TMEM130: variants seen among roughly 807,000 people sequenced by gnomAD.
TMEM130 encodes the protein transmembrane protein 130.
A neutral mutation model predicts 42.9 loss-of-function variants in TMEM130; 37 were observed. The observed-to-expected ratio is 0.86, with a 90% CI of 0.66 to 1.13. The LOEUF (loss-of-function observed/expected upper bound fraction) is 1.13. Among genes scored for constraint, TMEM130 ranks in the 50% most tolerant of loss-of-function variants. The pLI is 0.00. For missense variants in TMEM130, 545 were observed against 562.6 expected (o/e 0.97, Z 0.32); for synonymous variants, 259 against 237.7 (o/e 1.09, Z -0.82).
chr7:98,863,416 C>T lies in TMEM130; in HGVS notation c.86-16G>A. 6.4e-7 allele frequency: 1 copy of T among 1,553,122 alleles called. No homozygotes were observed. Reference sequence around the variant, plus strand: ...TCATACAGGCCTAGGAGCCCAGAAACAAAGACTGTGTTTCAGAATGGTGTG... The same window carrying T: ...TCATACAGGCCTAGGAGCCCAGAAATAAAGACTGTGTTTCAGAATGGTGTG... On this transcript the variant is annotated splice_polypyrimidine_tract_variant and intron_variant, in intron 1 of 7. Coordinates refer to ENST00000339375, the MANE Select transcript of TMEM130 (RefSeq NM_152913.3).
rs1273365657 is a variant in TMEM130, at chr7:98,847,056, A to T, written c.*1000T>A. ...ATTTTTTTAGTAGAGACGGGGTTTC[A>T]CCGTGTTAGCCAGGGTGGTCTCGAT... On this transcript the variant is annotated 3_prime_UTR_variant, in exon 8 of 8. Coordinates refer to ENST00000339375, the MANE Select transcript of TMEM130 (RefSeq NM_152913.3). 2 of 151,684 alleles carry T rather than the reference A, an allele frequency of 1.3e-5. No individual in the cohort carries two copies. Among genetic ancestry groups the T allele is most frequent in the Non-Finnish European group, 2.9e-5 (2 of 67,986 alleles). The allele number at this position is 151,684 out of a possible 1,614,324, so 9.4% of individuals were successfully genotyped here. A position where few individuals can be genotyped will look rare whatever the true frequency, so the allele number is the denominator to read the frequency against.
intron 3 of TMEM130, among the ~76,000 whole-genome samples, 157 bp downstream of exon 3, chr7:98,860,022 T>C (rs1794725412): frequency 6.7e-6 from 1 of 149,598 alleles, no homozygotes; most frequent in South Asian, 2.1e-4. Flanking sequence ...TGAGCCAAGA[T>C]GGTACTACTG....
chr7:98,854,031 GGTTTTTTTTT>G (rs1223831105), intron 5 of TMEM130, among the ~76,000 whole-genome samples: 4 of 134,634 alleles, frequency 3.0e-5, no homozygotes, highest in African/African-American at 1.1e-4. Flanking sequence ...TTTGTTTTTT[GGTTTTTTTTT>G]GTTTTTTTTT....
At position 98,863,186 on chromosome 7, in the gene TMEM130, G is replaced by A. The variant is rs782349114; in HGVS notation, c.300C>T (p.Pro100=). Residue 100 remains proline (P), a synonymous_variant, in exon 2 of 8, where the codon CCC becomes CCT. Coordinates refer to ENST00000339375, the MANE Select transcript of TMEM130 (RefSeq NM_152913.3). ...SSTIRVVGHV[P]GEFPVSVWVT... ...CCCAGACAGAGACCGGGAATTCCCCGGGCACGTGGCCGACCACACGGATGG... is the reference window on the plus strand; with the variant it reads ...CCCAGACAGAGACCGGGAATTCCCCAGGCACGTGGCCGACCACACGGATGG... The A allele has an allele frequency of 3.9e-5, 63 of 1,613,974 alleles. No individual in the cohort carries two copies. The highest frequency in any genetic ancestry group is 1.6e-4 in the Middle Eastern group (1 of 6,084).
chr7:98,848,232 C>T (rs781952028), intron 7 of TMEM130, 24 bp from the exon 8 acceptor site: 6 of 1,613,586 alleles, frequency 3.7e-6, no homozygotes, highest in Non-Finnish European at 4.2e-6. Context: ...GGGGAAAAGT[C>T]AAAATCAGCC....
rs151268848 is a variant in TMEM130, at chr7:98,858,231, G to T, written c.551+1948C>A. On this transcript the variant is annotated intron_variant, in intron 3 of 7. Transcript: ENST00000339375. ...AATGTTCGTTTCTGTTCATACTAAC[G>T]CTTTTTTGGCATCTAAAGAGATGAT... is the stretch of plus-strand genomic sequence containing the variant. 2.5e-4 allele frequency among the ~76,000 whole-genome samples: 38 copies of T among 152,054 alleles called. No homozygotes were observed. The East Asian group carries it at 6.0e-3, about 24-fold the overall frequency.
chr7:98,855,216 C>T (rs371049022), intron 5 of TMEM130, 24 bp downstream of exon 5: 21 of 1,603,896 alleles, frequency 1.3e-5, no homozygotes, highest in Non-Finnish European at 1.8e-5. Context: ...GGGGCACCCC[C>T]AGTGCGCTCT....
rs775331367 is a variant in TMEM130, at chr7:98,848,061, C to T, written c.1267G>A (p.Val423Met). ...GGGGTGGGGAGGGGGAGTGCTCACACGGTGTAAGTTTTGACAGACTTATAG... is the reference window on the plus strand; with the variant it reads ...GGGGTGGGGAGGGGGAGTGCTCACATGGTGTAAGTTTTGACAGACTTATAG... ...PLYKSVKTYT[V>M] is the part of the protein sequence containing the mutation. Residue 423 changes from valine to methionine, a missense_variant, in exon 8 of 8, where the codon GTG (valine) becomes ATG (methionine). Coordinates refer to ENST00000339375, the MANE Select transcript of TMEM130 (RefSeq NM_152913.3). 44 of 1,612,952 alleles carry T rather than the reference C, an allele frequency of 2.7e-5. No homozygotes were observed. Among genetic ancestry groups the T allele is most frequent in the Middle Eastern group, 1.7e-4 (1 of 6,034 alleles).
rs782554164 is a variant in TMEM130, at chr7:98,856,067, C to G, written c.668G>C (p.Arg223Thr). The change falls in exon 4 of 8, where the codon AGG becomes ACG. Residue 223 changes from arginine (R) to threonine (T), a missense_variant. Coordinates refer to ENST00000339375, the MANE Select transcript of TMEM130 (RefSeq NM_152913.3). ...GTCCCCGGTCTTCTGCTTCACAGCC[C>G]TCGTGGCATCCGGCTCCACCTCTTC... Reference protein sequence around the residue: ...EWEEVEPDATRAVKQKTGDFS... With the variant: ...EWEEVEPDATTAVKQKTGDFS... 1 of 1,613,704 alleles carries G rather than the reference C, an allele frequency of 6.2e-7. No homozygotes were observed. Among genetic ancestry groups the G allele is most frequent in the Non-Finnish European group, 8.5e-7 (1 of 1,180,040 alleles).
chr7:98,869,679 T>C lies in TMEM130; in HGVS notation c.85+98A>G. 1 of 923,768 alleles carries C rather than the reference T, an allele frequency of 1.1e-6. No individual in the cohort carries two copies. Among genetic ancestry groups the C allele is most frequent in the Non-Finnish European group, 1.5e-6 (1 of 685,038 alleles). 57.2% of individuals were successfully genotyped at this position (923,768 alleles called of 1,614,324 possible). ...TGCGCGCAGGGCGCACGGTGCCACC[T>C]CCGCAATCCCTGCTCCCGGGCCCAC... is the stretch of plus-strand genomic sequence containing the variant. On this transcript the variant is annotated intron_variant, in intron 1 of 7. Coordinates refer to ENST00000339375, the MANE Select transcript of TMEM130 (RefSeq NM_152913.3). This position sits in a 1 kb window ranked among gnomAD's most constrained non-coding sequence, Gnocchi z 4.7.
intron 1 of TMEM130, among the ~76,000 whole-genome samples, chr7:98,867,655 G>T (rs781973204): frequency 2.0e-5 from 3 of 152,312 alleles, no homozygotes; most frequent in Non-Finnish European, 4.4e-5. Context: ...GGGGGGATGG[G>T]GGGCAGGGAG....
rs782206771 is a variant in TMEM130, at chr7:98,863,259, T to C, written c.227A>G (p.His76Arg). ...CTTGCCAGTAAGCACCAGCGGGGTG[T>C]GGATCCAGTGGAAGCGGTAGAGGTG... ...DAHLYRFHWI[H>R]TPLVLTGKME... is the part of the protein sequence containing the mutation. Residue 76 changes from histidine (H) to arginine (R), a missense_variant, in exon 2 of 8, where the codon CAC becomes CGC. Transcript: ENST00000339375. 3 of 1,613,828 alleles carry C rather than the reference T, an allele frequency of 1.9e-6. No individual in the cohort carries two copies. The highest frequency in any genetic ancestry group is 2.5e-6 in the Non-Finnish European group (3 of 1,180,014).
intron 6 of TMEM130, among the ~76,000 whole-genome samples, chr7:98,850,269 A>ATTTTTTTTTTTT (rs1244635646): frequency 1.7e-4 from 5 of 30,162 alleles, no homozygotes; most frequent in Admixed American, 4.7e-4. Context: ...ATATATATAT[A>ATTTTTTTTTTTT]TATATTTTTT....
intron 5 of TMEM130, among the ~76,000 whole-genome samples, chr7:98,854,266 T>C (rs1339957777): frequency 2.0e-5 from 3 of 151,974 alleles, no homozygotes; most frequent in Non-Finnish European, 4.4e-5. Context: ...CATCTGGACA[T>C]GTGAAGGGAG....
chr7:98,869,825 G>T lies in TMEM130; in HGVS notation c.37C>A (p.Leu13Ile). The change falls in exon 1 of 8, where the codon CTC becomes ATC. Residue 13 changes from leucine to isoleucine, a missense_variant. Physicochemically the swap from Leu to Ile is conservative, Grantham distance 5. Coordinates refer to ENST00000339375, the MANE Select transcript of TMEM130 (RefSeq NM_152913.3). The surrounding 1 kb of genome is among the most constrained non-coding windows in gnomAD (Gnocchi z 4.7). Reference protein sequence around the residue: ...QAVWSRLGRILWLACLLPWAP... With the variant: ...QAVWSRLGRIIWLACLLPWAP... ...CAGGGCAGGAGGCAGGCAAGCCAGA[G>T]GATGCGGCCGAGGCGCGACCACACT... The T allele has an allele frequency of 6.9e-7, 1 of 1,448,746 alleles. No individual in the cohort carries two copies. The highest frequency in any genetic ancestry group is 9.1e-7 in the Non-Finnish European group (1 of 1,102,096). 89.7% of individuals were successfully genotyped at this position (1,448,746 alleles called of 1,614,324 possible).
Position 98,848,268 on chromosome 7 carries a change from G to A in TMEM130, c.1120-60C>T, listed in dbSNP as rs190018702. ...ACCTATGATGAACAAAATCCCACGG[G>A]TCAATCACCCACCCACCAGGAGCCC... On this transcript the variant is annotated intron_variant, in intron 7 of 7. Coordinates refer to ENST00000339375, the MANE Select transcript of TMEM130 (RefSeq NM_152913.3). 3.1e-6 allele frequency: 5 copies of A among 1,603,480 alleles called. No individual in the cohort carries two copies. In the African/African-American group the frequency reaches 4.0e-5, roughly 13 times the overall value.
In TMEM130 at chr7:98,848,200, C is replaced by G. The variant is rs533040755; in HGVS notation, c.1128G>C (p.Glu376Asp). The G allele has an allele frequency of 1.2e-6, 2 of 1,614,046 alleles. No homozygotes were observed. The highest frequency in any genetic ancestry group is 1.3e-5 in the African/African-American group (1 of 75,018). The change falls in exon 8 of 8, where the codon GAG (glutamate) becomes GAC (aspartate). Residue 376 changes from glutamate (E) to aspartate (D), a missense_variant. By Grantham distance (45) the Glu-to-Asp change is conservative. Coordinates refer to ENST00000339375, the MANE Select transcript of TMEM130 (RefSeq NM_152913.3). ...AGCAGCACCTGACCCCAGAGGGTGG[C>G]TCCGGGTTCTTGTCAGACATGGGGG... ...TQQKDMVENP[E>D]PPSGVRCCCQ...
rs1469372962 is a variant in TMEM130 at position 98,869,710 on chromosome 7, C to T, written c.85+67G>A. 2 of 1,224,240 alleles carry T rather than the reference C, an allele frequency of 1.6e-6. No individual in the cohort carries two copies. The highest frequency in any genetic ancestry group is 2.1e-6 in the Non-Finnish European group (2 of 943,330). 75.8% of individuals were successfully genotyped at this position (1,224,240 alleles called of 1,614,324 possible). ...ATCCCTGCTCCCGGGCCCACTCGCC[C>T]GCTGAGACGGTTCCAGGCCCCGGGC... On this transcript the variant is annotated intron_variant, in intron 1 of 7. Transcript: ENST00000339375. The surrounding 1 kb of genome is among the most constrained non-coding windows in gnomAD (Gnocchi z 4.7).
chr7:98,849,194 T>G (rs1458285631), intron 6 of TMEM130, among the ~76,000 whole-genome samples: 3 of 152,134 alleles, frequency 2.0e-5, no homozygotes, highest in South Asian at 2.1e-4. Context: ...CCAATAAACC[T>G]GTTGCTATGA....
Sources: allele counts gnomAD v4.1 joint callset (sites outside exome capture counted in the v4.1 genomes callset), GRCh38; gene constraint gnomAD v4.1.1; non-coding constraint Gnocchi (gnomAD v3.1); transcripts MANE v1.5; gene names NCBI Gene and HGNC (gene_info 2026-07-23, HGNC 2026-07-21).